SDK1: variants seen among roughly 807,000 people sequenced by gnomAD.
The protein encoded by SDK1 is sidekick cell adhesion molecule 1.
A neutral mutation model predicts 245.5 loss-of-function variants in SDK1; 157 were observed. The ratio of observed to expected loss-of-function variants is 0.64; its 90% CI spans 0.56 to 0.73. The LOEUF (loss-of-function observed/expected upper bound fraction) is 0.73. Among genes scored for constraint, SDK1 ranks in the 30% least tolerant of loss-of-function variants. The pLI, the probability that SDK1 is intolerant of heterozygous loss-of-function variation, is 0.00. For missense variants in SDK1, 3,583 were observed against 3,002.3 expected (o/e 1.19, Z -4.52); for synonymous variants, 1,647 against 1,278.5 (o/e 1.29, Z -6.15).
intron 5 of SDK1, among the ~76,000 whole-genome samples, chr7:3,931,570 G>A (rs1342135319): frequency 6.6e-6 from 1 of 152,166 alleles, no homozygotes; most frequent in Non-Finnish European, 1.5e-5. Flanking sequence ...AATTTTGCGG[G>A]AAATCCTTGC....
At chr7:3,335,513 A>G (rs1479417577) in intron 1 of SDK1, among the ~76,000 whole-genome samples, 1 of 151,794 alleles carries the variant, frequency 6.6e-6, no homozygotes, top group East Asian at 1.9e-4. Context: ...CACCTGGTAC[A>G]TAGTAGGTGC....
intron 1 of SDK1, among the ~76,000 whole-genome samples, chr7:3,430,445 C>T (rs1779808466): frequency 6.6e-6 from 1 of 152,188 alleles, no homozygotes. Flanking sequence ...AGATACTACT[C>T]AGAAGCTTCG....
At chr7:3,848,774 C>G (rs577284896) in intron 5 of SDK1, among the ~76,000 whole-genome samples, 1 of 152,140 alleles carries the variant, frequency 6.6e-6, no homozygotes, top group East Asian at 1.9e-4. Context: ...CGAGTTCAAG[C>G]AATTCTCCTG....
In SDK1 at chr7:4,150,443, G is replaced by C. The variant is rs569493016; in HGVS notation, c.4625+980G>C. ...TCTCCAGGCTGGCCGAGCTTCCTCTGTCTCTCAGATGGTCACATAGGTCAG... is the reference window on the plus strand; with the variant it reads ...TCTCCAGGCTGGCCGAGCTTCCTCTCTCTCTCAGATGGTCACATAGGTCAG... On this transcript the variant is annotated intron_variant, in intron 30 of 44. Coordinates refer to ENST00000404826, the MANE Select transcript of SDK1 (RefSeq NM_152744.4). 6.6e-5 allele frequency among the ~76,000 whole-genome samples: 10 copies of C among 152,324 alleles called. No homozygotes were observed. In the East Asian group the frequency reaches 1.9e-3, roughly 29 times the overall value.
chr7:4,131,020 C>A (rs1266405695), intron 27 of SDK1, among the ~76,000 whole-genome samples: 1 of 152,156 alleles, frequency 6.6e-6, no homozygotes, highest in Non-Finnish European at 1.5e-5. Flanking sequence ...GACGGGAACC[C>A]TGCAGAAGGC....
chr7:3,929,314 A>G (rs143860010), intron 5 of SDK1, among the ~76,000 whole-genome samples: 10 of 152,350 alleles, frequency 6.6e-5, no homozygotes, highest in Non-Finnish European at 1.3e-4. Flanking sequence ...TCGCTTGGCC[A>G]GCTGTAATCT....
chr7:3,634,468 G>T (rs544825870), intron 2 of SDK1, among the ~76,000 whole-genome samples: 2 of 152,306 alleles, frequency 1.3e-5, no homozygotes, highest in African/African-American at 4.8e-5. Flanking sequence ...AACTGGTCCT[G>T]GAAAACACTG....
At chr7:3,969,202 C>T in intron 10 of SDK1, 55 bp from the exon 11 acceptor site, 2 of 1,443,842 alleles carry the variant, frequency 1.4e-6, no homozygotes, top group South Asian at 3.0e-5. Flanking sequence ...CCACTATCTT[C>T]ATTTCCTTCA....
At chr7:4,122,287 G>A (rs1784116078) in intron 25 of SDK1, among the ~76,000 whole-genome samples, 2 of 152,140 alleles carry the variant, frequency 1.3e-5, no homozygotes, top group African/African-American at 4.8e-5. Context: ...ACTCTCCCCA[G>A]CAGAAAACTC....
chr7:4,138,873 T>C (rs931575066), intron 28 of SDK1, among the ~76,000 whole-genome samples: 17 of 152,164 alleles, frequency 1.1e-4, no homozygotes, highest in African/African-American at 3.9e-4. Flanking sequence ...AGCATGGTCC[T>C]CCTGCAGACC....
intron 4 of SDK1, among the ~76,000 whole-genome samples, chr7:3,704,525 T>G (rs995714880): frequency 2.6e-5 from 4 of 152,134 alleles, no homozygotes; most frequent in Non-Finnish European, 4.4e-5. Context: ...GTCCACTGTT[T>G]GATGATGATA....
intron 4 of SDK1, among the ~76,000 whole-genome samples, chr7:3,685,224 A>AAG (rs1403331502): frequency 5.9e-5 from 9 of 151,788 alleles, no homozygotes; most frequent in African/African-American, 1.2e-4. Flanking sequence ...TAAAAAAAAA[A>AAG]AGAGAGAAAT....
At position 3,563,808 on chromosome 7, in the gene SDK1, G is replaced by C. The variant is rs553689214; in HGVS notation, c.299-55272G>C. Among the ~76,000 whole-genome samples the C allele has an allele frequency of 3.3e-5, 5 of 152,186 alleles. No individual in the cohort carries two copies. In the East Asian group the frequency reaches 7.7e-4, roughly 24 times the overall value. On this transcript the variant is annotated intron_variant, in intron 1 of 44. Transcript: ENST00000404826. Reference sequence around the variant, plus strand: ...AACCGTGTATTATGCCATATAAGAAGCCTCAATTTCCCAGGAATGAAAGCA... The same window carrying C: ...AACCGTGTATTATGCCATATAAGAACCCTCAATTTCCCAGGAATGAAAGCA...
intron 4 of SDK1, among the ~76,000 whole-genome samples, chr7:3,680,638 A>C (rs888214366): frequency 3.4e-4 from 52 of 152,250 alleles, no homozygotes; most frequent in African/African-American, 9.9e-4. Context: ...TTATTATTTA[A>C]AATCTAGTGA....
chr7:4,204,614 C>T (rs1398747147), intron 35 of SDK1, among the ~76,000 whole-genome samples: 1 of 152,194 alleles, frequency 6.6e-6, no homozygotes, highest in African/African-American at 2.4e-5. Context: ...TGGGCCATCT[C>T]CCTCGGACAG....
At chr7:4,238,136 CT>C (rs1256844536) in intron 42 of SDK1, among the ~76,000 whole-genome samples, 1 of 151,758 alleles carries the variant, frequency 6.6e-6, no homozygotes, top group Non-Finnish European at 1.5e-5. Context: ...TTGGAGTGCA[CT>C]GGCACAATCT....
intron 3 of SDK1, among the ~76,000 whole-genome samples, chr7:3,639,783 T>C (rs1200024976): frequency 1.3e-5 from 2 of 152,014 alleles, no homozygotes; most frequent in Non-Finnish European, 2.9e-5. Flanking sequence ...CTTTATTTTA[T>C]GTACATATGT....
chr7:3,701,071 A>C (rs1479213630), intron 4 of SDK1, among the ~76,000 whole-genome samples: 1 of 152,198 alleles, frequency 6.6e-6, no homozygotes, highest in Non-Finnish European at 1.5e-5. Flanking sequence ...TACGTAGAAA[A>C]TTCCAAGGAA....
intron 5 of SDK1, among the ~76,000 whole-genome samples, chr7:3,919,630 G>T (rs1779518679): frequency 6.6e-6 from 1 of 152,194 alleles, no homozygotes; most frequent in Non-Finnish European, 1.5e-5. Context: ...CTATTTCAAT[G>T]GAGCACCGGC....
Sources: gnomAD v4.1 joint callset for allele counts (sites outside exome capture counted in the v4.1 genomes callset) on GRCh38, gnomAD v4.1.1 for gene constraint, MANE v1.5 for transcripts, NCBI Gene and HGNC (gene_info 2026-07-23, HGNC 2026-07-21) for gene names.